The following GTF2H5 variants were observed in gnomAD, a reference collection of about 807,000 sequenced individuals.
GTF2H5 encodes general transcription factor IIH subunit 5.
Under a neutral mutation model 7.1 loss-of-function variants are expected in GTF2H5, and 5 were observed. The ratio of observed to expected loss-of-function variants is 0.71; its 90% CI spans 0.37 to 1.49. The LOEUF is 1.49. GTF2H5 is among the 40% of genes most tolerant of loss of function. The pLI, the probability that GTF2H5 is intolerant of heterozygous loss-of-function variation, is 0.03. For missense variants in GTF2H5, 80 were observed against 83.0 expected, an observed-to-expected ratio of 0.96 and a Z score of 0.14; for synonymous variants, 30 against 31.7, an observed-to-expected ratio of 0.95 and a Z score of 0.18.
chr6:158,169,644 T>A lies in GTF2H5; in HGVS notation c.-34-826T>A, dbSNP rs71563794. 2.2e-3 allele frequency among the ~76,000 whole-genome samples: 92 copies of A among 41,182 alleles called. 9 individuals carry two copies. Among genetic ancestry groups the A allele is most frequent in the African/African-American group, 5.8e-3 (34 of 5,852 alleles). 27.0% of individuals were successfully genotyped at this position (41,182 alleles called of 152,430 possible). A position where few individuals can be genotyped will look rare whatever the true frequency, so the allele number is the denominator to read the frequency against. On this transcript the variant is annotated intron_variant, in intron 1 of 2. Transcript: ENST00000607778. ...TATAATATATTGTATATTACATATA[T>A]TGTATATTACATATAATATATTGTA...
Position 158,169,706 on chromosome 6 carries a change from T to A in GTF2H5, c.-34-764T>A, listed in dbSNP as rs370956983. 5.4e-5 allele frequency among the ~76,000 whole-genome samples: 4 copies of A among 74,170 alleles called. 1 individual carries two copies. The highest frequency in any genetic ancestry group is 2.3e-4 in the African/African-American group (4 of 17,622). 48.7% of individuals were successfully genotyped at this position (74,170 alleles called of 152,430 possible). A position where few individuals can be genotyped will look rare whatever the true frequency, so the allele number is the denominator to read the frequency against. ...ATATAATATATATTATATAATATATTGTATATTATATATTATATAATATAT... is the reference window on the plus strand; with the variant it reads ...ATATAATATATATTATATAATATATAGTATATTATATATTATATAATATAT... On this transcript the variant is annotated intron_variant, in intron 1 of 2. Coordinates refer to ENST00000607778, the MANE Select transcript of GTF2H5 (RefSeq NM_207118.3).
chr6:158,194,968 A>G lies in GTF2H5; in HGVS notation c.*2811A>G, dbSNP rs1029145847. 3.9e-5 allele frequency: 6 copies of G among 152,206 alleles called. No homozygotes were observed. The highest frequency in any genetic ancestry group is 1.4e-4 in the African/African-American group (6 of 41,450). The allele number at this position is 152,206 out of a possible 1,614,324, so 9.4% of individuals were successfully genotyped here. On this transcript the variant is annotated 3_prime_UTR_variant, in exon 3 of 3. Coordinates refer to ENST00000607778, the MANE Select transcript of GTF2H5 (RefSeq NM_207118.3). ...TATTAAGAAAGATAGAGTGATGTGA[A>G]TGATAGGAAGCCCACCTGTAACCAC... is the stretch of plus-strand genomic sequence containing the variant.
intron 2 of GTF2H5, among the ~76,000 whole-genome samples, chr6:158,172,721 C>G (rs1785874624): frequency 6.6e-6 from 1 of 152,172 alleles, no homozygotes; most frequent in African/African-American, 2.4e-5. Flanking sequence ...ACTCCCCTTG[C>G]TATTCTCTTT....
At chr6:158,180,559 G>T (rs1046387503) in intron 2 of GTF2H5, among the ~76,000 whole-genome samples, 1 of 152,154 alleles carries the variant, frequency 6.6e-6, no homozygotes, top group Non-Finnish European at 1.5e-5. Flanking sequence ...TCTGCTGTTG[G>T]TCTATTCAGA....
Position 158,192,343 on chromosome 6 carries a change from A to T in GTF2H5, c.*186A>T, listed in dbSNP as rs563944320. On this transcript the variant is annotated 3_prime_UTR_variant, in exon 3 of 3. Coordinates refer to ENST00000607778, the MANE Select transcript of GTF2H5 (RefSeq NM_207118.3). ...AACTGATTTTGTTACCATAGAATTTAAAAAAAAAAAAAGCTTTAACAGTTG... is the reference window on the plus strand; with the variant it reads ...AACTGATTTTGTTACCATAGAATTTTAAAAAAAAAAAAGCTTTAACAGTTG... The T allele has an allele frequency of 1.8e-4, 20 of 109,260 alleles. No homozygotes were observed. Among genetic ancestry groups the T allele is most frequent in the South Asian group, 8.2e-4 (3 of 3,670 alleles). 6.8% of individuals were successfully genotyped at this position (109,260 alleles called of 1,614,324 possible). A position where few individuals can be genotyped will look rare whatever the true frequency, so the allele number is the denominator to read the frequency against.
Position 158,169,514 on chromosome 6 carries a change from TTA to T in GTF2H5, c.-34-949_-34-948del, listed in dbSNP as rs1164878640. Among the ~76,000 whole-genome samples, 473 of 74,078 alleles carry T rather than the reference TTA, an allele frequency of 6.4e-3. 46 individuals are homozygous for T. Among genetic ancestry groups the T allele is most frequent in the African/African-American group, 0.028 (446 of 16,202 alleles). The allele number at this position is 74,078 out of a possible 152,430, so 48.6% of individuals were successfully genotyped here. On this transcript the variant is annotated intron_variant, in intron 1 of 2. Coordinates refer to ENST00000607778, the MANE Select transcript of GTF2H5 (RefSeq NM_207118.3). Reference sequence around the variant, plus strand: ...TGTATATTATATAATATATTGTATATTATATATAATATACAGTATATTATATA... The same window carrying T: ...TGTATATTATATAATATATTGTATATTATATAATATACAGTATATTATATA...
At chr6:158,175,535 G>A (rs756569469) in intron 2 of GTF2H5, among the ~76,000 whole-genome samples, 11 of 152,294 alleles carry the variant, frequency 7.2e-5, no homozygotes, top group African/African-American at 7.2e-5. Context: ...AGGCTGAGGC[G>A]GGTGGATGGC....
intron 2 of GTF2H5, among the ~76,000 whole-genome samples, chr6:158,171,996 T>C (rs1283591402): frequency 6.6e-6 from 1 of 152,158 alleles, no homozygotes; most frequent in Non-Finnish European, 1.5e-5. Flanking sequence ...TCGTTGGCCT[T>C]TAGTGTTATT....
chr6:158,169,534 A>G lies in GTF2H5; in HGVS notation c.-34-936A>G, dbSNP rs1240834383. 1.4e-4 allele frequency among the ~76,000 whole-genome samples: 12 copies of G among 83,952 alleles called. 2 individuals are homozygous for G. The highest frequency in any genetic ancestry group is 5.9e-4 in the African/African-American group (12 of 20,474). 55.1% of individuals were successfully genotyped at this position (83,952 alleles called of 152,430 possible). A position where few individuals can be genotyped will look rare whatever the true frequency, so the allele number is the denominator to read the frequency against. ...GTATATTATATATAATATACAGTAT[A>G]TTATATATAATATACTGTATATTAT... On this transcript the variant is annotated intron_variant, in intron 1 of 2. Transcript: ENST00000607778.
chr6:158,170,056 G>T (rs1785832321), intron 1 of GTF2H5, among the ~76,000 whole-genome samples: 1 of 151,596 alleles, frequency 6.6e-6, no homozygotes, highest in African/African-American at 2.4e-5. Context: ...GAGGTGGTTG[G>T]GCTCACTGTA....
intron 2 of GTF2H5, among the ~76,000 whole-genome samples, chr6:158,176,270 A>G (rs1785933123): frequency 6.6e-6 from 1 of 151,988 alleles, no homozygotes; most frequent in Non-Finnish European, 1.5e-5. Context: ...ACTGTCACCC[A>G]GCCTGGAGTG....
chr6:158,179,021 T>C (rs964566599), intron 2 of GTF2H5, among the ~76,000 whole-genome samples: 59 of 152,222 alleles, frequency 3.9e-4, no homozygotes, highest in African/African-American at 1.4e-3. Context: ...TTGATTTTTG[T>C]ATAAGGTGTA....
chr6:158,180,832 A>ATT (rs143921455), intron 2 of GTF2H5, among the ~76,000 whole-genome samples: 13,641 of 137,660 alleles, frequency 0.099, 921 homozygotes, highest in East Asian at 0.41. Context: ...GGATTCATTG[A>ATT]TTTTTTTTTT....
In GTF2H5 at chr6:158,169,368, A is replaced by T. The variant is rs1381491565; in HGVS notation, c.-35+973A>T. Reference sequence around the variant, plus strand: ...TATATTATATATAATACATATATATAATATGTATATTATATATTATATATA... The same window carrying T: ...TATATTATATATAATACATATATATTATATGTATATTATATATTATATATA... On this transcript the variant is annotated intron_variant, in intron 1 of 2. Coordinates refer to ENST00000607778, the MANE Select transcript of GTF2H5 (RefSeq NM_207118.3). Among the ~76,000 whole-genome samples the T allele has an allele frequency of 5.7e-4, 58 of 101,138 alleles. 1 individual carries two copies. The highest frequency in any genetic ancestry group is 2.0e-3 in the African/African-American group (47 of 23,642). 66.4% of individuals were successfully genotyped at this position (101,138 alleles called of 152,430 possible). A position where few individuals can be genotyped will look rare whatever the true frequency, so the allele number is the denominator to read the frequency against.
intron 2 of GTF2H5, among the ~76,000 whole-genome samples, chr6:158,178,756 T>C (rs998976428): frequency 4.6e-5 from 7 of 152,198 alleles, no homozygotes; most frequent in African/African-American, 9.7e-5. Flanking sequence ...TATTAGCCCT[T>C]TGTCAGACAG....
At chr6:158,174,864 A>T (rs762308505) in intron 2 of GTF2H5, among the ~76,000 whole-genome samples, 3 of 152,208 alleles carry the variant, frequency 2.0e-5, no homozygotes, top group Non-Finnish European at 4.4e-5. Flanking sequence ...TATATCGTTT[A>T]TGAGAAGCGA....
intron 1 of GTF2H5, among the ~76,000 whole-genome samples, chr6:158,169,686 A>ATATAATGTATAT (rs1562469167): frequency 0.013 from 381 of 29,740 alleles, 54 homozygotes; most frequent in Non-Finnish European, 0.016. Flanking sequence ...ATAATATATA[A>ATATAATGTATAT]TATATATTAT....
intron 2 of GTF2H5, among the ~76,000 whole-genome samples, chr6:158,183,638 G>T (rs1162621976): frequency 6.6e-6 from 1 of 152,188 alleles, no homozygotes; most frequent in Admixed American, 6.5e-5. Context: ...CCAAGCTCCG[G>T]TGTCCCAAGT....
In GTF2H5 at chr6:158,195,334, A is replaced by G. The variant is rs2128432779; in HGVS notation, c.*3177A>G. 1 of 152,238 alleles carries G rather than the reference A, an allele frequency of 6.6e-6. No individual in the cohort carries two copies. The highest frequency in any genetic ancestry group is 2.4e-5 in the African/African-American group (1 of 41,518). The allele number at this position is 152,238 out of a possible 1,614,324, so 9.4% of individuals were successfully genotyped here. A position where few individuals can be genotyped will look rare whatever the true frequency, so the allele number is the denominator to read the frequency against. On this transcript the variant is annotated 3_prime_UTR_variant, in exon 3 of 3. Transcript: ENST00000607778. The stretch of plus-strand genomic sequence containing the variant: ...GACTGAAGTTGTGATATTGAGTGTT[A>G]TATTTCTCAATAAAGGTTTTTTCTT...
Sources: allele counts gnomAD v4.1 joint callset (sites outside exome capture counted in the v4.1 genomes callset), GRCh38; gene constraint gnomAD v4.1.1; transcripts MANE v1.5; gene names NCBI Gene and HGNC (gene_info 2026-07-23, HGNC 2026-07-21).